ATP10D: variants seen among roughly 807,000 people sequenced by gnomAD.
ATP10D encodes the protein ATPase phospholipid transporting 10D (putative), also known as phospholipid-transporting ATPase VD.
Under a neutral mutation model 144.8 loss-of-function variants are expected in ATP10D, and 89 were observed. The ratio of observed to expected loss-of-function variants is 0.61; its 90% CI spans 0.52 to 0.73. ATP10D has a LOEUF of 0.73. Among genes scored for constraint, ATP10D ranks in the 30% least tolerant of loss-of-function variants. The pLI is 0.00. For synonymous variants in ATP10D, 571 were observed against 615.1 expected (o/e 0.93, Z 1.06); for missense variants, 1,603 against 1,714.8 (o/e 0.93, Z 1.15).
Position 47,563,563 on chromosome 4 carries a change from A to G in ATP10D, c.2669-18A>G. The G allele has an allele frequency of 6.3e-7, 1 of 1,592,478 alleles. No homozygotes were observed. The highest frequency in any genetic ancestry group is 8.5e-7 in the Non-Finnish European group (1 of 1,171,492). ...TTTGGTTTCTTACAAGTCCTATTGC[A>G]CTTTGGTTATTTTTTAGGTGCTACT... is the stretch of plus-strand genomic sequence containing the variant. On this transcript the variant is annotated intron_variant, in intron 14 of 22. Coordinates refer to ENST00000273859, the MANE Select transcript of ATP10D (RefSeq NM_020453.4).
At position 47,494,242 on chromosome 4, in the gene ATP10D, C is replaced by A. The variant is rs149149182; in HGVS notation, c.-38+8723C>A. Among the ~76,000 whole-genome samples, 1,028 of 152,134 alleles carry A rather than the reference C, an allele frequency of 6.8e-3. 11 individuals carry two copies. The highest frequency in any genetic ancestry group is 0.023 in the African/African-American group (952 of 41,490). ...GACTTTTTCCCCCCGGTTCTTTGAT[C>A]TTGGCTGTATTTGGGGATAATGATT... is the stretch of plus-strand genomic sequence containing the variant. On this transcript the variant is annotated intron_variant, in intron 1 of 22. Transcript: ENST00000273859.
At chr4:47,569,228 C>T (rs976967802) in intron 16 of ATP10D, 82 bp downstream of exon 16, 1 of 1,458,584 alleles carries the variant, frequency 6.9e-7, no homozygotes, top group Admixed American at 2.0e-5. Flanking sequence ...TTTCTTCTCC[C>T]ACTGTTCCTT....
chr4:47,574,151 C>T (rs1720104992), intron 18 of ATP10D, among the ~76,000 whole-genome samples: 1 of 152,166 alleles, frequency 6.6e-6, no homozygotes, highest in Non-Finnish European at 1.5e-5. Flanking sequence ...TCACCTTCTC[C>T]CCTATTGTGG....
intron 1 of ATP10D, among the ~76,000 whole-genome samples, chr4:47,500,044 T>G (rs911586553): frequency 1.3e-5 from 2 of 152,192 alleles, no homozygotes; most frequent in Admixed American, 6.5e-5. Flanking sequence ...GTGTATAAGA[T>G]TGTTAAAGAT....
chr4:47,568,684 G>C (rs952816071), intron 15 of ATP10D, among the ~76,000 whole-genome samples, 153 bp from the exon 16 acceptor site: 7 of 152,178 alleles, frequency 4.6e-5, no homozygotes, highest in African/African-American at 1.7e-4. Context: ...AGAACTCTCT[G>C]TGGAAGACTC....
intron 5 of ATP10D, among the ~76,000 whole-genome samples, chr4:47,528,497 GTGTGTGTGTGTGTGTGTATATATA>G (rs1445921383): frequency 0.03 from 2,631 of 88,130 alleles, 96 homozygotes; most frequent in African/African-American, 0.11. Flanking sequence ...GTGTGTGTGT[GTGTGTGTGTGTGTGTGTATATATA>G]TATATATACA....
In ATP10D at chr4:47,546,731, A is replaced by G. The variant is rs1449205291; in HGVS notation, c.1504A>G (p.Arg502Gly). ...NMAKPRAPSC[R>G]TVHNGPLGNK... is the part of the protein sequence containing the mutation. ...GGCAAAACCGAGAGCCCCCAGCTGC[A>G]GGACAGTTCATAATGGGCCTTTGGG... Residue 502 changes from arginine to glycine, a missense_variant, in exon 10 of 23, where the codon AGG becomes GGG. Arg to Gly is a moderately radical substitution (Grantham distance 125). Coordinates refer to ENST00000273859, the MANE Select transcript of ATP10D (RefSeq NM_020453.4). The G allele has an allele frequency of 6.2e-6, 10 of 1,614,150 alleles. No homozygotes were observed. Among genetic ancestry groups the G allele is most frequent in the South Asian group, 5.5e-5 (5 of 91,088 alleles).
At chr4:47,582,556 C>T (rs1720573011) in intron 21 of ATP10D, among the ~76,000 whole-genome samples, 1 of 152,030 alleles carries the variant, frequency 6.6e-6, no homozygotes, top group South Asian at 2.1e-4. Flanking sequence ...TGCTGTACTT[C>T]TCTCTTCAAC....
At chr4:47,514,639 G>A (rs548457524) in intron 2 of ATP10D, among the ~76,000 whole-genome samples, 1 of 152,246 alleles carries the variant, frequency 6.6e-6, no homozygotes, top group East Asian at 1.9e-4. Context: ...AATATATAAA[G>A]TAGAAGAATG....
intron 15 of ATP10D, among the ~76,000 whole-genome samples, chr4:47,566,965 T>C (rs1017261904): frequency 6.6e-6 from 1 of 152,114 alleles, no homozygotes; most frequent in African/African-American, 2.4e-5. Flanking sequence ...CAGCCCATGA[T>C]TGGGAGTCAT....
In ATP10D at chr4:47,563,628, A is replaced by G. The variant is rs1428370586; in HGVS notation, c.2716A>G (p.Ile906Val). ...DRLQEGVPES[I>V]EALHKAGIKI... ...TCTGCAGGAGGGAGTCCCTGAATCTATAGAAGCTCTTCACAAAGCGGGCAT... is the reference window on the plus strand; with the variant it reads ...TCTGCAGGAGGGAGTCCCTGAATCTGTAGAAGCTCTTCACAAAGCGGGCAT... The change falls in exon 15 of 23, where the codon ATA becomes GTA. Residue 906 changes from isoleucine to valine, a missense_variant. Ile to Val is a conservative substitution (Grantham distance 29). Coordinates refer to ENST00000273859, the MANE Select transcript of ATP10D (RefSeq NM_020453.4). 4 of 1,613,930 alleles carry G rather than the reference A, an allele frequency of 2.5e-6. No homozygotes were observed. The highest frequency in any genetic ancestry group is 2.2e-5 in the East Asian group (1 of 44,854).
intron 19 of ATP10D, among the ~76,000 whole-genome samples, chr4:47,579,308 C>G (rs1007364821): frequency 2.6e-5 from 4 of 152,086 alleles, no homozygotes; most frequent in Non-Finnish European, 5.9e-5. Context: ...TTGTTGGGCA[C>G]CTGGTATGTA....
At chr4:47,559,727 TGGCTG>T (rs956873743) in intron 13 of ATP10D, among the ~76,000 whole-genome samples, 13 of 152,276 alleles carry the variant, frequency 8.5e-5, no homozygotes, top group East Asian at 5.8e-4. Context: ...AAAAGTCTGA[TGGCTG>T]GGCACAGTAG....
chr4:47,509,253 C>T (rs888884084), intron 1 of ATP10D, among the ~76,000 whole-genome samples: 1 of 148,214 alleles, frequency 6.7e-6, no homozygotes, highest in Non-Finnish European at 1.5e-5. Flanking sequence ...TATTCGTTTA[C>T]AAAAACATCC....
intron 10 of ATP10D, among the ~76,000 whole-genome samples, chr4:47,554,518 T>A (rs1347188773): frequency 6.6e-6 from 1 of 152,236 alleles, no homozygotes; most frequent in Non-Finnish European, 1.5e-5. Flanking sequence ...ATGAGGTGCA[T>A]TCTGGATTAT....
intron 14 of ATP10D, among the ~76,000 whole-genome samples, chr4:47,562,279 T>C (rs1719354435): frequency 6.6e-6 from 1 of 152,140 alleles, no homozygotes; most frequent in Non-Finnish European, 1.5e-5. Context: ...ATGGCCCCAA[T>C]TGTTTCAGAA....
intron 10 of ATP10D, among the ~76,000 whole-genome samples, chr4:47,552,022 T>C (rs888764072): frequency 1.3e-5 from 2 of 152,228 alleles, no homozygotes; most frequent in African/African-American, 4.8e-5. Context: ...TTAAATCTTC[T>C]GGGCTCTTTT....
intron 14 of ATP10D, 64 bp downstream of exon 14, chr4:47,561,139 T>C (rs1719275311): frequency 6.3e-7 from 1 of 1,585,472 alleles, no homozygotes; most frequent in Non-Finnish European, 8.6e-7. Flanking sequence ...TATCTTTGAA[T>C]AAGGGTTATT....
chr4:47,543,093 AAGAG>A (rs1718238636), intron 9 of ATP10D, among the ~76,000 whole-genome samples: 1 of 152,174 alleles, frequency 6.6e-6, no homozygotes, highest in Admixed American at 6.5e-5. Context: ...GAGAGAGAAA[AAGAG>A]AGATCACATT....
Sources: gnomAD v4.1 joint callset for allele counts (sites outside exome capture counted in the v4.1 genomes callset) on GRCh38, gnomAD v4.1.1 for gene constraint, MANE v1.5 for transcripts, NCBI Gene and HGNC (gene_info 2026-07-23, HGNC 2026-07-21) for gene names.